Variants in AGAP1 observed in about 807,000 individuals in gnomAD.
The protein encoded by AGAP1 is ArfGAP with GTPase domain, ankyrin repeat and PH domain 1, also known as arf-GAP with GTPase, ANK repeat and PH domain-containing protein 1.
In AGAP1, 29 loss-of-function variants were observed where a neutral mutation model predicts 105.3. The observed-to-expected ratio is 0.28, with a 90% CI of 0.21 to 0.38. The LOEUF is 0.38. AGAP1 is among the 10% of genes least tolerant of loss of function. AGAP1 has a pLI of 1.00. For missense variants in AGAP1, 998 were observed against 1,165.1 expected (o/e 0.86, Z 2.09); for synonymous variants, 509 against 485.9 (o/e 1.05, Z -0.63).
At chr2:235,676,247 A>C (rs979331822) in intron 1 of AGAP1, among the ~76,000 whole-genome samples, 3 of 152,236 alleles carry the variant, frequency 2.0e-5, no homozygotes, top group Non-Finnish European at 2.9e-5. Flanking sequence ...TCTCCATTAG[A>C]GCACTAGTCC....
intron 9 of AGAP1, among the ~76,000 whole-genome samples, chr2:235,863,295 G>A (rs1453616187): frequency 2.0e-5 from 3 of 152,286 alleles, no homozygotes; most frequent in African/African-American, 2.4e-5. Context: ...GCAGGGGCAG[G>A]TACATGAGAA....
chr2:235,565,992 A>G (rs1944333807), intron 1 of AGAP1, among the ~76,000 whole-genome samples: 1 of 152,216 alleles, frequency 6.6e-6, no homozygotes, highest in Admixed American at 6.5e-5. Flanking sequence ...GAAAAGTGGA[A>G]ATAATTTTAT....
In AGAP1 at chr2:236,091,200, G is replaced by C. The variant is rs543004681; in HGVS notation, c.2115-28992G>C. On this transcript the variant is annotated intron_variant, in intron 16 of 17. Transcript: ENST00000304032. ...AAACAGATTTGAGTCATCTATGCCT[G>C]TCTCTCTGTGCAGCAACTTTGGAGG... 5.3e-5 allele frequency among the ~76,000 whole-genome samples: 8 copies of C among 152,346 alleles called. No homozygotes were observed. In the South Asian group the frequency reaches 1.4e-3, roughly 28 times the overall value.
chr2:235,748,935 G>A (rs549738927), intron 5 of AGAP1, among the ~76,000 whole-genome samples: 2 of 152,320 alleles, frequency 1.3e-5, no homozygotes, highest in South Asian at 2.1e-4. Flanking sequence ...AAGGCTGGGC[G>A]CAGTGGCTCA....
intron 1 of AGAP1, among the ~76,000 whole-genome samples, chr2:235,547,356 C>CTT (rs565421160): frequency 1.3e-3 from 170 of 135,420 alleles, no homozygotes; most frequent in African/African-American, 3.0e-3. Flanking sequence ...CTTACATTGA[C>CTT]TTTTTTTTTT....
At chr2:236,106,789 G>T (rs146405076) in intron 16 of AGAP1, among the ~76,000 whole-genome samples, 239 of 152,278 alleles carry the variant, frequency 1.6e-3, no homozygotes, top group Non-Finnish European at 2.7e-3. Flanking sequence ...AGAGGACCAG[G>T]CAAGGTCTGG....
intron 13 of AGAP1, among the ~76,000 whole-genome samples, chr2:235,972,159 C>A (rs1248277831): frequency 6.6e-6 from 1 of 152,178 alleles, no homozygotes; most frequent in Non-Finnish European, 1.5e-5. Flanking sequence ...TGACTGGTTA[C>A]TACTAGTGTA....
chr2:236,111,721 G>A (rs1435688876), intron 16 of AGAP1, among the ~76,000 whole-genome samples: 2 of 151,554 alleles, frequency 1.3e-5, no homozygotes, highest in South Asian at 2.1e-4. Flanking sequence ...GAGCCCAGGA[G>A]TTCGAGGCTG....
At chr2:235,540,148 C>CTTTTTTTTT (rs535395155) in intron 1 of AGAP1, among the ~76,000 whole-genome samples, 124 of 129,096 alleles carry the variant, frequency 9.6e-4, no homozygotes, top group African/African-American at 3.3e-3. Flanking sequence ...CCTCTCTCCT[C>CTTTTTTTTT]TTTTTTTTTT....
Position 236,038,624 on chromosome 2 carries a change from A to G in AGAP1, c.1800+1909A>G, listed in dbSNP as rs994438706. 1.3e-5 allele frequency among the ~76,000 whole-genome samples: 2 copies of G among 152,196 alleles called. No homozygotes were observed. The highest frequency in any genetic ancestry group is 4.8e-5 in the African/African-American group (2 of 41,448). On this transcript the variant is annotated intron_variant, in intron 14 of 17. Coordinates refer to ENST00000304032, the MANE Select transcript of AGAP1 (RefSeq NM_001037131.3). This position sits in a 1 kb window ranked among gnomAD's most constrained non-coding sequence, Gnocchi z 4.5. ...GGTTGAACAGGTGTGAGGGCATAAA[A>G]CATGGAAATACTGTCCACAAGGAGT... is the stretch of plus-strand genomic sequence containing the variant.
At position 235,963,538 on chromosome 2, in the gene AGAP1, A is replaced by C. The variant is rs1175620022; in HGVS notation, c.1484-4924A>C. 6.6e-6 allele frequency among the ~76,000 whole-genome samples: 1 copy of C among 152,248 alleles called. No homozygotes were observed. The highest frequency in any genetic ancestry group is 1.5e-5 in the Non-Finnish European group (1 of 68,038). ...GTGAGTTGGGTACCATATAGCCCTC[A>C]GCAGAGTATTTGACAAGATTTTTCC... On this transcript the variant is annotated intron_variant, in intron 12 of 17. Coordinates refer to ENST00000304032, the MANE Select transcript of AGAP1 (RefSeq NM_001037131.3). The surrounding 1 kb of genome is among the most constrained non-coding windows in gnomAD (Gnocchi z 5.1).
In AGAP1 at chr2:235,967,435, C is replaced by A. The variant is rs369809593; in HGVS notation, c.1484-1027C>A. Reference sequence around the variant, plus strand: ...TGATGGACTCCAGGTTCTGGCCCGGCTGCCATGTCACTGCCACTCCACTTT... The same window carrying A: ...TGATGGACTCCAGGTTCTGGCCCGGATGCCATGTCACTGCCACTCCACTTT... On this transcript the variant is annotated intron_variant, in intron 12 of 17. Coordinates refer to ENST00000304032, the MANE Select transcript of AGAP1 (RefSeq NM_001037131.3). The surrounding 1 kb of genome is among the most constrained non-coding windows in gnomAD (Gnocchi z 4.7). Among the ~76,000 whole-genome samples, 1 of 152,204 alleles carries A rather than the reference C, an allele frequency of 6.6e-6. No individual in the cohort carries two copies. Among genetic ancestry groups the A allele is most frequent in the Non-Finnish European group, 1.5e-5 (1 of 68,038 alleles).
At chr2:235,516,076 G>GCTGCTGCTGCTGCTGCTGCTGCTGCTT (rs1006757599) in intron 1 of AGAP1, among the ~76,000 whole-genome samples, 49 of 140,440 alleles carry the variant, frequency 3.5e-4, no homozygotes, top group African/African-American at 1.2e-3. Context: ...TGCTGCTGCT[G>GCTGCTGCTGCTGCTGCTGCTGCTGCTT]CTGCTGCTGC....
chr2:235,563,273 C>T (rs965168245), intron 1 of AGAP1, among the ~76,000 whole-genome samples: 6 of 152,148 alleles, frequency 3.9e-5, no homozygotes, highest in East Asian at 1.9e-4. Flanking sequence ...CATTTCTTTC[C>T]GTCCTGCCCC....
chr2:235,969,333 C>A lies in AGAP1; in HGVS notation c.1645+710C>A, dbSNP rs1559708254. On this transcript the variant is annotated intron_variant, in intron 13 of 17. Coordinates refer to ENST00000304032, the MANE Select transcript of AGAP1 (RefSeq NM_001037131.3). ...ACACACACACATACACACACACCCC[C>A]CACATTATGAGAGGTAAAATTAATG... Among the ~76,000 whole-genome samples the A allele has an allele frequency of 2.0e-5, 3 of 151,966 alleles. No individual in the cohort carries two copies. The South Asian group carries it at 6.2e-4, about 32-fold the overall frequency.
chr2:235,999,089 G>A (rs1345840762), intron 13 of AGAP1, among the ~76,000 whole-genome samples: 4 of 151,342 alleles, frequency 2.6e-5, no homozygotes, highest in Non-Finnish European at 5.9e-5. Context: ...GTATGGTGGT[G>A]ATGATGGTGA....
chr2:235,825,984 CCTA>C (rs1034439002), intron 9 of AGAP1, among the ~76,000 whole-genome samples: 13 of 152,030 alleles, frequency 8.6e-5, no homozygotes, highest in Admixed American at 1.3e-4. Flanking sequence ...AATATATACA[CCTA>C]CTATGTACTC....
chr2:235,811,713 G>C lies in AGAP1; in HGVS notation c.1050+4382G>C, dbSNP rs140103433. ...GGGGACGACCGCTCCCTGTCATGCA[G>C]ACCCCTCAGAGGGGCCGCCCCCGGC... is the stretch of plus-strand genomic sequence containing the variant. On this transcript the variant is annotated intron_variant, in intron 9 of 17. Coordinates refer to ENST00000304032, the MANE Select transcript of AGAP1 (RefSeq NM_001037131.3). 4.8e-3 allele frequency among the ~76,000 whole-genome samples: 738 copies of C among 152,302 alleles called. 6 individuals are homozygous for C. Among genetic ancestry groups the C allele is most frequent in the East Asian group, 0.017 (87 of 5,162 alleles).
chr2:235,669,684 C>G (rs1284115086), intron 1 of AGAP1: 2 of 148,910 alleles, frequency 1.3e-5, no homozygotes, highest in Non-Finnish European at 3.0e-5. Context: ...GTCCGCGCGT[C>G]CCGGAGCCCA....
Sources: allele counts gnomAD v4.1 joint callset (sites outside exome capture counted in the v4.1 genomes callset), GRCh38; gene constraint gnomAD v4.1.1; non-coding constraint Gnocchi (gnomAD v3.1); transcripts MANE v1.5; gene names NCBI Gene and HGNC (gene_info 2026-07-23, HGNC 2026-07-21).